Variants in CNTN5 observed in about 807,000 individuals in gnomAD.
CNTN5 encodes the protein contactin-5.
A neutral mutation model predicts 129.1 loss-of-function variants in CNTN5; 77 were observed. The observed-to-expected ratio is 0.60, with a 90% CI of 0.50 to 0.72. The LOEUF is 0.72. Ranked by LOEUF, CNTN5 falls within the 30% of genes least tolerant of loss-of-function variation. CNTN5 has a pLI of 0.00. For missense variants in CNTN5, 1,478 were observed against 1,328.8 expected (o/e 1.11, Z -1.75); for synonymous variants, 509 against 465.6 (o/e 1.09, Z -1.20).
intron 1 of CNTN5, among the ~76,000 whole-genome samples, chr11:99,143,739 C>T (rs1390584569): frequency 2.0e-5 from 3 of 152,126 alleles, no homozygotes; most frequent in African/African-American, 7.2e-5. Context: ...GAAAGTTAAT[C>T]CCAAATGCCA....
rs192699046 is a variant in CNTN5 at position 99,550,937 on chromosome 11, A to T, written c.-70-5208A>T. On this transcript the variant is annotated intron_variant, in intron 2 of 24. Coordinates refer to ENST00000524871, the MANE Select transcript of CNTN5 (RefSeq NM_014361.4). The stretch of plus-strand genomic sequence containing the variant: ...ATTACATGAGAGTACCAAGAGTAAG[A>T]GCATTTGGCAAAAAGTTTGTTTAAG... Among the ~76,000 whole-genome samples the T allele has an allele frequency of 9.7e-4, 148 of 152,310 alleles. 2 individuals carry two copies. The highest frequency in any genetic ancestry group is 3.3e-3 in the African/African-American group (138 of 41,570).
chr11:100,135,768 G>T (rs2138229199), intron 13 of CNTN5, among the ~76,000 whole-genome samples: 1 of 152,144 alleles, frequency 6.6e-6, no homozygotes, highest in Non-Finnish European at 1.5e-5. Flanking sequence ...TATGGCTATG[G>T]TCACACCTGT....
At chr11:99,378,695 C>G (rs1262258479) in intron 2 of CNTN5, among the ~76,000 whole-genome samples, 3 of 151,980 alleles carry the variant, frequency 2.0e-5, no homozygotes, top group Non-Finnish European at 2.9e-5. Flanking sequence ...TGAATGTACT[C>G]TGTAGTATGG....
chr11:100,040,161 TTC>T (rs1301202431), intron 9 of CNTN5, among the ~76,000 whole-genome samples: 2 of 152,176 alleles, frequency 1.3e-5, no homozygotes, highest in African/African-American at 4.8e-5. Context: ...TGGATGTCCT[TTC>T]TGTTTGTTAG....
intron 3 of CNTN5, among the ~76,000 whole-genome samples, chr11:99,700,889 C>T (rs1954489101): frequency 6.6e-6 from 1 of 151,070 alleles, no homozygotes; most frequent in Non-Finnish European, 1.5e-5. Context: ...TGATTACCTC[C>T]CCCAAAATGA....
chr11:100,161,045 A>T (rs1445481107), intron 13 of CNTN5, among the ~76,000 whole-genome samples: 1 of 151,966 alleles, frequency 6.6e-6, no homozygotes, highest in Non-Finnish European at 1.5e-5. Flanking sequence ...CACAACAGAC[A>T]TTACAGAACA....
chr11:99,303,232 G>A (rs1054410327), intron 1 of CNTN5, among the ~76,000 whole-genome samples: 4 of 151,686 alleles, frequency 2.6e-5, no homozygotes, highest in African/African-American at 7.3e-5. Context: ...ATTTCTAAAT[G>A]TTAGGAAAAT....
At chr11:100,194,394 G>A (rs1948581184) in intron 15 of CNTN5, among the ~76,000 whole-genome samples, 2 of 151,822 alleles carry the variant, frequency 1.3e-5, no homozygotes, top group South Asian at 4.1e-4. Context: ...GACTTTGGCT[G>A]GAATCTTCCT....
intron 1 of CNTN5, among the ~76,000 whole-genome samples, chr11:99,056,281 T>C (rs1157659371): frequency 6.6e-6 from 1 of 151,974 alleles, no homozygotes; most frequent in Non-Finnish European, 1.5e-5. Context: ...CCAGTGGAAA[T>C]ATTGGTACTA....
intron 1 of CNTN5, among the ~76,000 whole-genome samples, chr11:99,273,169 A>G (rs922061800): frequency 1.3e-5 from 2 of 151,784 alleles, no homozygotes; most frequent in Non-Finnish European, 2.9e-5. Flanking sequence ...TCTAAATGGG[A>G]AAAAGCCAAA....
chr11:100,228,334 T>C (rs74317389), intron 16 of CNTN5, among the ~76,000 whole-genome samples: 1,797 of 152,302 alleles, frequency 0.012, 41 homozygotes, highest in African/African-American at 0.041. Flanking sequence ...ATAGTTGAAT[T>C]TGAAACGAAT....
At chr11:100,141,673 T>C (rs892157278) in intron 13 of CNTN5, among the ~76,000 whole-genome samples, 1 of 152,160 alleles carries the variant, frequency 6.6e-6, no homozygotes, top group South Asian at 2.1e-4. Context: ...AGTCAACATT[T>C]GTTATAGAAA....
intron 3 of CNTN5, among the ~76,000 whole-genome samples, chr11:99,751,786 CA>C (rs1444004541): frequency 4.6e-5 from 7 of 152,196 alleles, no homozygotes; most frequent in African/African-American, 1.7e-4. Context: ...CATGTTGAAA[CA>C]TAATCCCCAA....
chr11:99,673,535 C>G (rs1210141242), intron 3 of CNTN5, among the ~76,000 whole-genome samples: 2 of 152,072 alleles, frequency 1.3e-5, no homozygotes, highest in Non-Finnish European at 1.5e-5. Context: ...CAGATTCTTT[C>G]ATCACCCAGG....
chr11:99,986,936 CTGAT>C (rs934007176), intron 8 of CNTN5, among the ~76,000 whole-genome samples: 33 of 152,100 alleles, frequency 2.2e-4, no homozygotes, highest in African/African-American at 8.0e-4. Context: ...TGATAATTGA[CTGAT>C]TGCGGAGAAA....
At chr11:100,239,371 T>A (rs1415908378) in intron 16 of CNTN5, among the ~76,000 whole-genome samples, 5 of 152,162 alleles carry the variant, frequency 3.3e-5, no homozygotes, top group Non-Finnish European at 7.3e-5. Flanking sequence ...AGTTCAAGGG[T>A]ACTGCTTTCA....
At chr11:99,535,355 A>G (rs576454149) in intron 2 of CNTN5, among the ~76,000 whole-genome samples, 1 of 152,284 alleles carries the variant, frequency 6.6e-6, no homozygotes, top group Admixed American at 6.5e-5. Context: ...AGGTAGATAA[A>G]CAGTAGACAG....
chr11:99,608,543 G>A (rs966853664), intron 3 of CNTN5, among the ~76,000 whole-genome samples: 52 of 152,082 alleles, frequency 3.4e-4, no homozygotes, highest in African/African-American at 1.3e-3. Context: ...CTTATAAAAA[G>A]AGAAAAATTG....
rs926470250 is a variant in CNTN5 at position 99,798,886 on chromosome 11, C to T, written c.56-20658C>T. 5.3e-5 allele frequency among the ~76,000 whole-genome samples: 8 copies of T among 152,124 alleles called. No individual in the cohort carries two copies. In the East Asian group the frequency reaches 5.8e-4, roughly 11 times the overall value. On this transcript the variant is annotated intron_variant, in intron 3 of 24. Coordinates refer to ENST00000524871, the MANE Select transcript of CNTN5 (RefSeq NM_014361.4). Reference sequence around the variant, plus strand: ...GCCATTTTAATGATACTGATTTTTCCGATTAATGAGCATGGAATGTTTTTC... The same window carrying T: ...GCCATTTTAATGATACTGATTTTTCTGATTAATGAGCATGGAATGTTTTTC...
Sources: gnomAD v4.1 joint callset for allele counts (sites outside exome capture counted in the v4.1 genomes callset) on GRCh38, gnomAD v4.1.1 for gene constraint, MANE v1.5 for transcripts, NCBI Gene and HGNC (gene_info 2026-07-23, HGNC 2026-07-21) for gene names.